FAM186B: variants seen among roughly 807,000 people sequenced by gnomAD.
The protein encoded by FAM186B is family with sequence similarity 186 member B.
Under a neutral mutation model 83.4 loss-of-function variants are expected in FAM186B, and 68 were observed. The ratio of observed to expected loss-of-function variants is 0.81; its 90% CI spans 0.67 to 1.00. FAM186B has a LOEUF of 1.00. Among genes scored for constraint, FAM186B ranks in the 50% least tolerant of loss-of-function variants. FAM186B has a pLI of 0.00. For missense variants in FAM186B, 983 were observed against 1,099.2 expected (o/e 0.89, Z 1.49); for synonymous variants, 389 against 422.0 (o/e 0.92, Z 0.96).
rs762779519 is a variant in FAM186B, at chr12:49,600,777, C to T, written c.863G>A (p.Ser288Asn). 2 of 1,613,312 alleles carry T rather than the reference C, an allele frequency of 1.2e-6. No homozygotes were observed. Among genetic ancestry groups the T allele is most frequent in the Admixed American group, 3.3e-5 (2 of 59,980 alleles). The stretch of plus-strand genomic sequence containing the variant: ...CTGCTTCAGCAGAGCATCCCTCCTG[C>T]TCTCAAGGACCTCCATGAACTGCTG... Reference protein sequence around the residue: ...HFQQFMEVLESRRDALLKQVE... With the variant: ...HFQQFMEVLENRRDALLKQVE... Residue 288 changes from serine (S) to asparagine (N), a missense_variant, in exon 4 of 7, where the codon AGC becomes AAC. Coordinates refer to ENST00000257894, the MANE Select transcript of FAM186B (RefSeq NM_032130.3). This position sits in a 1 kb window ranked among gnomAD's most constrained non-coding sequence, Gnocchi z 4.3.
chr12:49,600,454 T>G lies in FAM186B; in HGVS notation c.1186A>C (p.Thr396Pro). The G allele has an allele frequency of 6.2e-7, 1 of 1,613,466 alleles. No homozygotes were observed. ...AAGHQPLSTM[T>P]VRSRVADVFG... is the part of the protein sequence containing the mutation. ...ACATCTGCGACCCTCGAGCGCACAG[T>G]CATGGTGGAAAGTGGCTGGTGCCCT... is the stretch of plus-strand genomic sequence containing the variant. The change falls in exon 4 of 7, where the codon ACT becomes CCT. Residue 396 changes from threonine to proline, a missense_variant. Transcript: ENST00000257894. This position sits in a 1 kb window ranked among gnomAD's most constrained non-coding sequence, Gnocchi z 4.3.
chr12:49,593,647 GAAAA>G (rs949269771), intron 5 of FAM186B, among the ~76,000 whole-genome samples: 7 of 123,896 alleles, frequency 5.6e-5, no homozygotes, highest in South Asian at 2.3e-4. Context: ...AAAAAAAAAA[GAAAA>G]GAAAGAGGGC....
chr12:49,617,280 C>T, the FAM186B span, among the ~76,000 whole-genome samples: 4 of 152,250 alleles, frequency 2.6e-5, no homozygotes, highest in Admixed American at 6.5e-5. Context: ...CATGGTGGCT[C>T]ACGCCTGTAA....
Position 49,595,897 on chromosome 12 carries a change from T to C in FAM186B, c.2364+2858A>G, listed in dbSNP as rs557019835. 2.6e-5 allele frequency among the ~76,000 whole-genome samples: 4 copies of C among 152,120 alleles called. No individual in the cohort carries two copies. In the South Asian group the frequency reaches 8.3e-4, roughly 32 times the overall value. ...CTACTCGGGAGGCTGAGGCAGAAAA[T>C]GGCGTGAACCTGGGAGGCGGAGCTT... On this transcript the variant is annotated intron_variant, in intron 5 of 6. Coordinates refer to ENST00000257894, the MANE Select transcript of FAM186B (RefSeq NM_032130.3).
At chr12:49,615,045 G>A in the FAM186B span, among the ~76,000 whole-genome samples, 4 of 151,960 alleles carry the variant, frequency 2.6e-5, no homozygotes, top group Non-Finnish European at 5.9e-5. Flanking sequence ...GGAGAATGGC[G>A]TGAACCCAGG....
intron 5 of FAM186B, chr12:49,595,588 C>A: frequency 2.3e-6 from 1 of 436,932 alleles, no homozygotes; most frequent in South Asian, 1.8e-5. Context: ...CTTATAAGCC[C>A]AGGGCCTAGG....
At chr12:49,585,220 A>G (rs924545340), downstream of FAM186B, among the ~76,000 whole-genome samples, 7 of 151,920 alleles carry the variant, frequency 4.6e-5, no homozygotes, top group African/African-American at 1.5e-4. Context: ...GGGTTTCACC[A>G]TGTTAGCCAG....
intron 5 of FAM186B, chr12:49,594,199 T>C (rs1308227356): frequency 1.4e-5 from 4 of 282,224 alleles, no homozygotes; most frequent in Non-Finnish European, 3.0e-5. Context: ...ATGCAGAGAA[T>C]GTGTATACAG....
At chr12:49,606,659 GAGGAAT>G (rs770261451), upstream of FAM186B, among the ~76,000 whole-genome samples, 10 of 152,218 alleles carry the variant, frequency 6.6e-5, no homozygotes, top group Non-Finnish European at 1.0e-4. Context: ...GAACTGAAAG[GAGGAAT>G]AGGTAAATCC....
chr12:49,590,214 GC>G (rs1939552387), intron 5 of FAM186B, among the ~76,000 whole-genome samples: 1 of 151,930 alleles, frequency 6.6e-6, no homozygotes, highest in African/African-American at 2.4e-5. Flanking sequence ...GTGGTGTATG[GC>G]CCATAGATTA....
chr12:49,601,271 G>C, intron 3 of FAM186B, 137 bp from the exon 4 acceptor site: 1 of 1,226,468 alleles, frequency 8.2e-7, no homozygotes, highest in Non-Finnish European at 1.1e-6. Context: ...GCTGTATATG[G>C]GGCCAGGGAC....
the FAM186B span, among the ~76,000 whole-genome samples, chr12:49,611,136 G>C: frequency 3.0e-3 from 457 of 152,236 alleles, 2 homozygotes; most frequent in African/African-American, 0.011. Context: ...ACTTTGGGAG[G>C]CTGAGGCAGG....
In FAM186B at chr12:49,592,689, G is replaced by A. The variant is rs543734037; in HGVS notation, c.2365-4066C>T. On this transcript the variant is annotated intron_variant, in intron 5 of 6. Coordinates refer to ENST00000257894, the MANE Select transcript of FAM186B (RefSeq NM_032130.3). ...TAATCCCAGCTACTCAGGAGGCTGAGGCATGAGAATCGCTTGAATCCAGGA... is the reference window on the plus strand; with the variant it reads ...TAATCCCAGCTACTCAGGAGGCTGAAGCATGAGAATCGCTTGAATCCAGGA... Among the ~76,000 whole-genome samples, 56 of 152,270 alleles carry A rather than the reference G, an allele frequency of 3.7e-4. No individual in the cohort carries two copies. In the South Asian group the frequency reaches 0.011, roughly 30 times the overall value.
At chr12:49,592,490 A>C (rs1471915038) in intron 5 of FAM186B, among the ~76,000 whole-genome samples, 4 of 147,564 alleles carry the variant, frequency 2.7e-5, no homozygotes, top group South Asian at 4.3e-4. Context: ...ATAATAATAA[A>C]ATAACAAAAC....
At chr12:49,585,288 G>A (rs745607525), downstream of FAM186B, among the ~76,000 whole-genome samples, 5 of 152,162 alleles carry the variant, frequency 3.3e-5, no homozygotes, top group Non-Finnish European at 7.3e-5. Context: ...AAAGTGCTGG[G>A]ATTACAGGCG....
chr12:49,608,988 A>G (rs1278261521), upstream of FAM186B, among the ~76,000 whole-genome samples: 1 of 152,170 alleles, frequency 6.6e-6, no homozygotes, highest in African/African-American at 2.4e-5. Flanking sequence ...TTGGCGACAC[A>G]GTAGCGTGGC....
chr12:49,587,422 T>C, downstream of FAM186B: 1 of 749,454 alleles, frequency 1.3e-6, no homozygotes, highest in Admixed American at 2.5e-5. Context: ...GCTGTTGGCA[T>C]GGGGACCCCG....
At chr12:49,604,221 AC>A (rs1939959102) in intron 2 of FAM186B, 91 bp downstream of exon 2, 16 of 971,898 alleles carry the variant, frequency 1.6e-5, no homozygotes, top group Non-Finnish European at 2.4e-5. Context: ...GGAATGCTTC[AC>A]TGGAGAAGGG....
chr12:49,587,336 C>G (rs1372176612), downstream of FAM186B, among the ~76,000 whole-genome samples: 2 of 152,058 alleles, frequency 1.3e-5, no homozygotes, highest in Non-Finnish European at 2.9e-5. Context: ...TATGTGCAGC[C>G]CAGGAGGCCA....
Sources: gnomAD v4.1 joint callset for allele counts (sites outside exome capture counted in the v4.1 genomes callset) on GRCh38, gnomAD v4.1.1 for gene constraint, Gnocchi (gnomAD v3.1) non-coding constraint, MANE v1.5 for transcripts, NCBI Gene and HGNC (gene_info 2026-07-23, HGNC 2026-07-21) for gene names.